Variants in DCAF6 observed in about 807,000 individuals in gnomAD.
DCAF6 encodes DDB1- and CUL4-associated factor 6.
Under a neutral mutation model 125.1 loss-of-function variants are expected in DCAF6, and 54 were observed. That is an observed-to-expected ratio of 0.43 (90% CI 0.35 to 0.54). DCAF6 has a LOEUF of 0.54. Among genes scored for constraint, DCAF6 ranks in the 20% least tolerant of loss-of-function variants. DCAF6 has a pLI of 0.01. For synonymous variants in DCAF6, 371 were observed against 390.4 expected (o/e 0.95, Z 0.58); for missense variants, 934 against 1,161.7 (o/e 0.80, Z 2.85).
intron 16 of DCAF6, among the ~76,000 whole-genome samples, chr1:168,046,066 T>C (rs1689123522): frequency 6.6e-6 from 1 of 152,084 alleles, no homozygotes; most frequent in Non-Finnish European, 1.5e-5. Flanking sequence ...AACTGAAAAA[T>C]ATAATGAAAG....
intron 7 of DCAF6, among the ~76,000 whole-genome samples, chr1:168,001,650 CT>C (rs1338043881): frequency 6.6e-6 from 1 of 151,690 alleles, no homozygotes; most frequent in Non-Finnish European, 1.5e-5. Flanking sequence ...TGTTTTTTTT[CT>C]TAAAAATGAT....
intron 17 of DCAF6, among the ~76,000 whole-genome samples, chr1:168,062,015 A>G (rs976917436): frequency 6.6e-6 from 1 of 152,182 alleles, no homozygotes; most frequent in Non-Finnish European, 1.5e-5. Context: ...ATGTCCACCA[A>G]TAGTAGAATG....
the DCAF6 span, among the ~76,000 whole-genome samples, chr1:167,927,861 G>C: frequency 2.0e-5 from 3 of 152,158 alleles, no homozygotes; most frequent in Non-Finnish European, 4.4e-5. Flanking sequence ...TTTAGTGAGT[G>C]AATAATTTTA....
chr1:168,008,943 TTCTC>T (rs1429658761), intron 10 of DCAF6, among the ~76,000 whole-genome samples: 1 of 141,396 alleles, frequency 7.1e-6, no homozygotes, highest in Non-Finnish European at 1.5e-5. Context: ...CTCTCTCTCT[TTCTC>T]TCTCTCTTTT....
At chr1:167,905,121 T>G in the DCAF6 span, 1,125 of 1,614,224 alleles carry the variant, frequency 7.0e-4, no homozygotes, top group Non-Finnish European at 8.5e-4. Flanking sequence ...GTCCTGGAAT[T>G]CTTCTTTTGG....
chr1:167,890,551 T>TACTA, the DCAF6 span, among the ~76,000 whole-genome samples: 1 of 152,168 alleles, frequency 6.6e-6, no homozygotes, highest in Non-Finnish European at 1.5e-5. Flanking sequence ...CCACTGTGAC[T>TACTA]ACTACCAGGC....
chr1:167,866,157 C>T, the DCAF6 span, among the ~76,000 whole-genome samples: 1 of 152,134 alleles, frequency 6.6e-6, no homozygotes, highest in Non-Finnish European at 1.5e-5. Flanking sequence ...GGCACTCTGC[C>T]GAATAACTGG....
chr1:168,052,057 T>G (rs1331807324), intron 17 of DCAF6, among the ~76,000 whole-genome samples: 1 of 151,948 alleles, frequency 6.6e-6, no homozygotes, highest in Non-Finnish European at 1.5e-5. Context: ...AATTTTTGTG[T>G]TTTTAGTAGA....
chr1:168,060,086 G>C (rs910433362), intron 17 of DCAF6, among the ~76,000 whole-genome samples: 2 of 152,166 alleles, frequency 1.3e-5, no homozygotes, highest in Non-Finnish European at 2.9e-5. Context: ...ATTGTCCCCT[G>C]CTGATATTTA....
At chr1:167,932,604 T>C (rs1670940250), upstream of DCAF6, among the ~76,000 whole-genome samples, 1 of 150,158 alleles carries the variant, frequency 6.7e-6, no homozygotes, top group Non-Finnish European at 1.5e-5. Flanking sequence ...AGGTCAGGAG[T>C]TTGAGACCAG....
the DCAF6 span, among the ~76,000 whole-genome samples, chr1:167,890,805 G>C: frequency 6.6e-6 from 1 of 152,148 alleles, no homozygotes; most frequent in East Asian, 1.9e-4. Flanking sequence ...CCTACTCTAC[G>C]TTCAAACAAA....
intron 12 of DCAF6, among the ~76,000 whole-genome samples, chr1:168,036,070 TAAAAA>T (rs1014676039): frequency 2.6e-5 from 4 of 152,008 alleles, no homozygotes; most frequent in African/African-American, 7.2e-5. Context: ...TCAAAAAAAA[TAAAAA>T]CAAAACAAAA....
chr1:167,928,339 A>G, the DCAF6 span, among the ~76,000 whole-genome samples: 1 of 151,570 alleles, frequency 6.6e-6, no homozygotes, highest in Non-Finnish European at 1.5e-5. Context: ...AAAAAAAGTC[A>G]CACAATGGGT....
chr1:167,966,767 C>G, intron 3 of DCAF6, 46 bp downstream of exon 3: 1 of 1,166,786 alleles, frequency 8.6e-7, no homozygotes, highest in Non-Finnish European at 1.3e-6. Flanking sequence ...GAAAAAAAAT[C>G]AAGAAGGCAG....
At chr1:167,955,146 G>A (rs911376003) in intron 2 of DCAF6, among the ~76,000 whole-genome samples, 20 of 152,162 alleles carry the variant, frequency 1.3e-4, no homozygotes, top group Non-Finnish European at 2.8e-4. Context: ...TTATTGTATG[G>A]ATAAATCATA....
chr1:168,044,070 A>G (rs915219398), intron 14 of DCAF6, among the ~76,000 whole-genome samples: 15 of 152,316 alleles, frequency 9.8e-5, no homozygotes, highest in African/African-American at 3.6e-4. Context: ...GGCTTCAGGA[A>G]GAAGCAGTGG....
At chr1:167,873,197 T>C in the DCAF6 span, among the ~76,000 whole-genome samples, 77 of 152,210 alleles carry the variant, frequency 5.1e-4, no homozygotes, top group African/African-American at 1.6e-3. Flanking sequence ...TATCCTAGGA[T>C]GAAAAGTAAG....
intron 17 of DCAF6, among the ~76,000 whole-genome samples, chr1:168,059,433 A>G (rs186309285): frequency 5.3e-5 from 8 of 152,338 alleles, no homozygotes; most frequent in East Asian, 1.9e-4. Context: ...GTAAATCTTA[A>G]TGGCGGCTAA....
the DCAF6 span, chr1:167,870,446 T>C: frequency 2.6e-6 from 4 of 1,547,506 alleles, no homozygotes; most frequent in Non-Finnish European, 3.5e-6. Flanking sequence ...GCAAACTCAA[T>C]CAACGTAAAA....
Sources: gnomAD v4.1 joint callset for allele counts (sites outside exome capture counted in the v4.1 genomes callset) on GRCh38, gnomAD v4.1.1 for gene constraint, MANE v1.5 for transcripts, NCBI Gene and HGNC (gene_info 2026-07-23, HGNC 2026-07-21) for gene names.